Variants in STK11 observed in about 807,000 individuals in gnomAD.
STK11 encodes serine/threonine kinase 11.
In STK11, 8 loss-of-function variants were observed where a neutral mutation model predicts 47.3. The ratio of observed to expected loss-of-function variants is 0.17; its 90% CI spans 0.10 to 0.31. The LOEUF is 0.31. Ranked by LOEUF, STK11 falls within the 10% of genes least tolerant of loss-of-function variation. The pLI, the probability that STK11 is intolerant of heterozygous loss-of-function variation, is 1.00. For missense variants in STK11, 475 were observed against 605.0 expected (o/e 0.79, Z 2.25); for synonymous variants, 330 against 255.8 (o/e 1.29, Z -2.77).
rs2080784917 is a variant in STK11, at chr19:1,221,591, C to T, written c.862+251C>T. 2.8e-5 allele frequency: 17 copies of T among 617,462 alleles called. No individual in the cohort carries two copies. In the East Asian group the frequency reaches 3.1e-4, roughly 11 times the overall value. 38.2% of individuals were successfully genotyped at this position (617,462 alleles called of 1,614,324 possible). The stretch of plus-strand genomic sequence containing the variant: ...CAGTGCTGCCCTGCGCCTCCCCCAG[C>T]CCCACCCTCGGGGGCTCCCTGGCTT... On this transcript the variant is annotated intron_variant, in intron 6 of 9. Transcript: ENST00000326873.
At chr19:1,216,668 C>G (rs762559774) in intron 1 of STK11, among the ~76,000 whole-genome samples, 19 of 151,330 alleles carry the variant, frequency 1.3e-4, no homozygotes, top group Non-Finnish European at 2.7e-4. Flanking sequence ...GTAGTTCAAA[C>G]GAGACCAGCC....
intron 9 of STK11, 82 bp from the exon 10 acceptor site, chr19:1,227,511 C>G: frequency 9.4e-7 from 1 of 1,059,158 alleles, no homozygotes; most frequent in Non-Finnish European, 1.1e-6. Context: ...TGTACCTCAG[C>G]TTCTCCATCC....
intron 1 of STK11, among the ~76,000 whole-genome samples, chr19:1,215,206 G>A (rs573457525): frequency 6.6e-6 from 1 of 152,332 alleles, no homozygotes; most frequent in South Asian, 2.1e-4. Context: ...CCCCCTCAAT[G>A]CCCTGGGTGC....
intron 1 of STK11, among the ~76,000 whole-genome samples, chr19:1,212,537 C>A (rs1177693329): frequency 6.6e-6 from 1 of 151,862 alleles, no homozygotes; most frequent in Non-Finnish European, 1.5e-5. Flanking sequence ...CAGGTATGAG[C>A]CACTGCTTCG....
In STK11 at chr19:1,220,369, G is replaced by T. The variant is rs587780009; in HGVS notation, c.465-4G>T. ...GCCCCAGGACGGGTGTGTGCTGCCCGCAGGTACTTCTGTCAGCTGATTGAC... is the reference window on the plus strand; with the variant it reads ...GCCCCAGGACGGGTGTGTGCTGCCCTCAGGTACTTCTGTCAGCTGATTGAC... On this transcript the variant is annotated splice_polypyrimidine_tract_variant and splice_region_variant and intron_variant, in intron 3 of 9. Transcript: ENST00000326873. The T allele has an allele frequency of 6.3e-7, 1 of 1,598,574 alleles. No individual in the cohort carries two copies. Among genetic ancestry groups the T allele is most frequent in the Non-Finnish European group, 8.5e-7 (1 of 1,173,200 alleles).
At chr19:1,224,663 C>CT (rs1199969095) in intron 8 of STK11, 2 of 985,488 alleles carry the variant, frequency 2.0e-6, no homozygotes, top group Non-Finnish European at 2.4e-6. Context: ...ACCCTCAGGC[C>CT]TGTGTGAGAC....
At chr19:1,224,597 G>C (rs577231261) in intron 8 of STK11, 1 of 985,596 alleles carries the variant, frequency 1.0e-6, no homozygotes, top group Middle Eastern at 5.2e-4. Context: ...CCCCACGGCC[G>C]CCCCTGCAGG....
intron 1 of STK11, among the ~76,000 whole-genome samples, chr19:1,213,314 G>A (rs574490065): frequency 9.2e-5 from 14 of 152,128 alleles, no homozygotes; most frequent in Admixed American, 4.6e-4. Context: ...CCTTTTTAAA[G>A]TGTGTAATTC....
chr19:1,220,143 G>C (rs2080772202), intron 3 of STK11: 1 of 526,078 alleles, frequency 1.9e-6, no homozygotes, highest in Non-Finnish European at 3.3e-6. Context: ...AATGAGACCT[G>C]TGGACATCCG....
At chr19:1,220,176 G>C (rs897071638) in intron 3 of STK11, 197 bp from the exon 4 acceptor site, 148 of 634,460 alleles carry the variant, frequency 2.3e-4, no homozygotes, top group Non-Finnish European at 2.3e-4. Context: ...ACGTGGCTCG[G>C]CCGGACGAGG....
intron 8 of STK11, chr19:1,224,410 TGCCCATCCTTGGG>T (rs1437374345): frequency 2.0e-6 from 2 of 985,336 alleles, no homozygotes; most frequent in Admixed American, 1.2e-4. Flanking sequence ...CCCCTCATGG[TGCCCATCCTTGGG>T]GCCTGGCTGC....
intron 2 of STK11, among the ~76,000 whole-genome samples, chr19:1,219,025 T>TG (rs957647136): frequency 2.6e-5 from 4 of 152,098 alleles, no homozygotes; most frequent in South Asian, 2.1e-4. Context: ...CGAGCCTGCT[T>TG]GGGGGGGCGT....
chr19:1,223,094 C>G lies in STK11; in HGVS notation c.1030C>G (p.Leu344Val), dbSNP rs2145431096. ...SMTVVPYLEDLHGADEDEDLF... is the reference protein window; with the variant it reads ...SMTVVPYLEDVHGADEDEDLF... ...GACTGTGGTGCCGTACTTGGAGGACCTGCACGGCGCGGACGAGGACGAGGA... is the reference window on the plus strand; with the variant it reads ...GACTGTGGTGCCGTACTTGGAGGACGTGCACGGCGCGGACGAGGACGAGGA... Residue 344 changes from leucine (L) to valine (V), a missense_variant, in exon 8 of 10, where the codon CTG (leucine) becomes GTG (valine). Physicochemically the swap from Leu to Val is conservative, Grantham distance 32. Transcript: ENST00000326873. The G allele has an allele frequency of 6.2e-7, 1 of 1,610,860 alleles. No homozygotes were observed. The highest frequency in any genetic ancestry group is 8.5e-7 in the Non-Finnish European group (1 of 1,179,084).
chr19:1,207,514 C>T (rs2080676252), intron 1 of STK11, among the ~76,000 whole-genome samples: 1 of 152,220 alleles, frequency 6.6e-6, no homozygotes, highest in South Asian at 2.1e-4. Flanking sequence ...AGACTAGCCC[C>T]TTGGCTCCCC....
At chr19:1,227,555 C>T (rs955854509) in intron 9 of STK11, 38 bp from the exon 10 acceptor site, 11 of 1,062,922 alleles carry the variant, frequency 1.0e-5, no homozygotes, top group Non-Finnish European at 1.3e-5. Context: ...AGAACCGGTG[C>T]CCAGGCTGAC....
In STK11 at chr19:1,209,632, C is replaced by T. The variant is rs532495835; in HGVS notation, c.290+2429C>T. Among the ~76,000 whole-genome samples the T allele has an allele frequency of 3.8e-4, 58 of 151,508 alleles. 1 individual carries two copies. Among genetic ancestry groups the T allele is most frequent in the Non-Finnish European group, 7.2e-4 (49 of 67,926 alleles). Reference sequence around the variant, plus strand: ...TAAATAAATAAATAAATAAATCTGGCTTGAGTTTTGACAAATGTATATGCA... The same window carrying T: ...TAAATAAATAAATAAATAAATCTGGTTTGAGTTTTGACAAATGTATATGCA... On this transcript the variant is annotated intron_variant, in intron 1 of 9. Coordinates refer to ENST00000326873, the MANE Select transcript of STK11 (RefSeq NM_000455.5).
intron 8 of STK11, chr19:1,225,513 C>T: frequency 1.0e-6 from 1 of 972,954 alleles, no homozygotes; most frequent in African/African-American, 1.8e-5. Flanking sequence ...TCATGATCTG[C>T]CCACCTCGGC....
At chr19:1,219,236 G>T in intron 2 of STK11, 88 bp from the exon 3 acceptor site, 4 of 1,459,846 alleles carry the variant, frequency 2.7e-6, no homozygotes, top group Non-Finnish European at 3.8e-6. Flanking sequence ...GGTGCAGAGG[G>T]TCCCTCCAGA....
rs1568720152 is a variant in STK11, at chr19:1,227,795, C to T, written c.*219C>T. 4.7e-6 allele frequency: 5 copies of T among 1,074,440 alleles called. No homozygotes were observed. In the African/African-American group the frequency reaches 4.9e-5, roughly 11 times the overall value. The allele number at this position is 1,074,440 out of a possible 1,614,324, so 66.6% of individuals were successfully genotyped here. On this transcript the variant is annotated 3_prime_UTR_variant, in exon 10 of 10. Transcript: ENST00000326873. ...CTCGGCCGCCCGGCAGTGCACGCGG[C>T]TTGTTGACTTCGCAGCCCCGGGCGG...
Sources: gnomAD v4.1 joint callset for allele counts (sites outside exome capture counted in the v4.1 genomes callset) on GRCh38, gnomAD v4.1.1 for gene constraint, MANE v1.5 for transcripts, NCBI Gene and HGNC (gene_info 2026-07-23, HGNC 2026-07-21) for gene names.